PSMG4: variants seen among roughly 807,000 people sequenced by gnomAD.
PSMG4 encodes proteasome (prosome, macropain) assembly chaperone 4.
A neutral mutation model predicts 11.0 loss-of-function variants in PSMG4; 10 were observed. The observed-to-expected ratio is 0.91, with a 90% CI of 0.56 to 1.54. The LOEUF is 1.54. PSMG4 is among the 40% of genes most tolerant of loss of function. The pLI is 0.00. For missense variants in PSMG4, 198 were observed against 160.9 expected (o/e 1.23, Z -1.25); for synonymous variants, 95 against 71.3 (o/e 1.33, Z -1.68).
Position 3,260,275 on chromosome 6 carries a change from T to TTATATATATATATA in PSMG4, c.174+1080_174+1081insATATATATATATAT, listed in dbSNP as rs1261021278. On this transcript the variant is annotated intron_variant, in intron 1 of 2. Coordinates refer to ENST00000438998, the MANE Select transcript of PSMG4 (RefSeq NM_001128591.2). Reference sequence around the variant, plus strand: ...TACTCCAGTATAACCTTGTCTTAAATTGTATATATATATATATTTTTTTTT... The same window carrying TTATATATATATATA: ...TACTCCAGTATAACCTTGTCTTAAATTATATATATATATATGTATATATATATATATTTTTTTTT... Among the ~76,000 whole-genome samples the TTATATATATATATA allele has an allele frequency of 2.9e-4, 20 of 69,096 alleles. 2 individuals carry two copies. The highest frequency in any genetic ancestry group is 1.2e-3 in the African/African-American group (19 of 16,144). 45.3% of individuals were successfully genotyped at this position (69,096 alleles called of 152,430 possible).
At chr6:3,263,548 T>C (rs1758071485) in intron 1 of PSMG4, 136 bp from the exon 2 acceptor site, 1 of 692,722 alleles carries the variant, frequency 1.4e-6, no homozygotes, top group South Asian at 2.2e-5. Flanking sequence ...CACCCCTCTT[T>C]CCCTCGGCAC....
intron 1 of PSMG4, among the ~76,000 whole-genome samples, chr6:3,262,792 G>GGTTTTTTT (rs10622830): frequency 7.1e-6 from 1 of 141,750 alleles, no homozygotes; most frequent in Non-Finnish European, 1.5e-5. Flanking sequence ...ACCAATAAGT[G>GGTTTTTTT]TTTTTTTTTT....
chr6:3,263,436 G>A (rs1383178122), intron 1 of PSMG4, among the ~76,000 whole-genome samples: 1 of 152,220 alleles, frequency 6.6e-6, no homozygotes, highest in African/African-American at 2.4e-5. Flanking sequence ...GTGTGAAACT[G>A]GTCCTAGAAC....
At chr6:3,254,486 C>G (rs186080324), upstream of PSMG4, among the ~76,000 whole-genome samples, 4 of 151,732 alleles carry the variant, frequency 2.6e-5, no homozygotes, top group East Asian at 3.9e-4. Context: ...AATATTGTTG[C>G]TGGTGGTTTT....
At chr6:3,264,264 C>T (rs1008001757) in intron 2 of PSMG4, 5 of 1,551,346 alleles carry the variant, frequency 3.2e-6, no homozygotes, top group Middle Eastern at 1.7e-4. Flanking sequence ...GGGGATTAAG[C>T]AAAGGTCATG....
At chr6:3,254,534 C>T (rs776909486), upstream of PSMG4, among the ~76,000 whole-genome samples, 175 of 150,394 alleles carry the variant, frequency 1.2e-3, no homozygotes, top group Admixed American at 2.7e-3. Flanking sequence ...TAACAATTAT[C>T]TGGAAGGTGT....
chr6:3,260,893 T>C (rs1288910932), intron 1 of PSMG4, among the ~76,000 whole-genome samples: 1 of 152,226 alleles, frequency 6.6e-6, no homozygotes, highest in Non-Finnish European at 1.5e-5. Flanking sequence ...CTCTGTTACC[T>C]CTTAGAGCTC....
At chr6:3,255,262 C>A, upstream of PSMG4, 1 of 1,546,148 alleles carries the variant, frequency 6.5e-7, no homozygotes, top group Non-Finnish European at 8.7e-7. Context: ...TTCTGTGTTA[C>A]CACGGCTGTC....
intron 2 of PSMG4, 170 bp downstream of exon 2, chr6:3,263,929 T>C: frequency 7.1e-7 from 1 of 1,415,172 alleles, no homozygotes; most frequent in Non-Finnish European, 9.4e-7. Flanking sequence ...AAGGGGCACA[T>C]TCCATGCTCG....
chr6:3,257,971 A>G (rs1336457389), upstream of PSMG4, among the ~76,000 whole-genome samples: 3 of 152,258 alleles, frequency 2.0e-5, no homozygotes, highest in Non-Finnish European at 4.4e-5. Flanking sequence ...TTAAATTTCA[A>G]TTTAGTCAAC....
At chr6:3,258,660 TG>T (rs942958169), upstream of PSMG4, among the ~76,000 whole-genome samples, 55 of 151,390 alleles carry the variant, frequency 3.6e-4, 1 homozygote, top group Non-Finnish European at 5.9e-5. Flanking sequence ...AATTAGGGGG[TG>T]GGGGGAAACA....
intron 1 of PSMG4, among the ~76,000 whole-genome samples, chr6:3,262,100 CTG>C (rs1758012739): frequency 6.6e-6 from 1 of 152,196 alleles, no homozygotes; most frequent in South Asian, 2.1e-4. Flanking sequence ...ACTAGTGACA[CTG>C]AGTCCTACCA....
At chr6:3,263,378 T>C (rs570778760) in intron 1 of PSMG4, among the ~76,000 whole-genome samples, 1 of 152,354 alleles carries the variant, frequency 6.6e-6, no homozygotes, top group South Asian at 2.1e-4. Context: ...GGTTGTGGTG[T>C]TGCCCTTCAG....
chr6:3,263,514 A>T (rs933148535), intron 1 of PSMG4, among the ~76,000 whole-genome samples, 170 bp from the exon 2 acceptor site: 1 of 152,158 alleles, frequency 6.6e-6, no homozygotes, highest in Non-Finnish European at 1.5e-5. Context: ...CATGGGGTCC[A>T]CCTACTTGGT....
intron 2 of PSMG4, chr6:3,265,423 C>G (rs1279308434): frequency 6.6e-6 from 1 of 152,236 alleles, no homozygotes; most frequent in African/African-American, 2.4e-5. Context: ...CCAAGGGGAC[C>G]CAACCTCCTA....
chr6:3,254,902 G>GA, upstream of PSMG4: 1 of 842,870 alleles, frequency 1.2e-6, no homozygotes, highest in Non-Finnish European at 1.8e-6. Context: ...GTAAGTGAAT[G>GA]ATCTCTGAGC....
chr6:3,259,305 A>G (rs1369440579), intron 1 of PSMG4, 109 bp downstream of exon 1: 11 of 1,022,382 alleles, frequency 1.1e-5, no homozygotes, highest in African/African-American at 1.7e-5. Context: ...AGGGCGCCCT[A>G]CTCCCCCGAA....
chr6:3,263,821 A>G, intron 2 of PSMG4, 62 bp downstream of exon 2: 3 of 1,523,860 alleles, frequency 2.0e-6, no homozygotes, highest in Non-Finnish European at 2.6e-6. Flanking sequence ...TAATGGAACC[A>G]TGAAGCAAGT....
upstream of PSMG4, among the ~76,000 whole-genome samples, chr6:3,255,435 G>T (rs746906805): frequency 1.5e-5 from 2 of 134,470 alleles, no homozygotes; most frequent in Admixed American, 8.2e-5. Context: ...CCAGCCACAT[G>T]CCCCTTCTCA....
Sources: allele counts gnomAD v4.1 joint callset (sites outside exome capture counted in the v4.1 genomes callset), GRCh38; gene constraint gnomAD v4.1.1; transcripts MANE v1.5; gene names NCBI Gene and HGNC (gene_info 2026-07-23, HGNC 2026-07-21).